Variants in TAMM41 observed in about 807,000 individuals in gnomAD.
TAMM41 encodes the protein phosphatidate cytidylyltransferase, mitochondrial.
TAMM41 carries 36 observed loss-of-function variants against 44.1 expected under a neutral mutation model. The ratio of observed to expected loss-of-function variants is 0.82; its 90% CI spans 0.63 to 1.08. The LOEUF (loss-of-function observed/expected upper bound fraction) is 1.08, where lower values mean the gene tolerates loss of function less well. TAMM41 is among the 50% of genes least tolerant of loss of function. The probability of loss-of-function intolerance (pLI) is 0.00; values close to 1 mark genes in which losing one functional copy is unlikely to be tolerated. For synonymous variants in TAMM41, 164 were observed against 153.1 expected (o/e 1.07, Z -0.53); for missense variants, 417 against 404.3 (o/e 1.03, Z -0.27).
the TAMM41 span, among the ~76,000 whole-genome samples, chr3:11,739,059 C>G: frequency 6.6e-6 from 1 of 152,190 alleles, no homozygotes; most frequent in African/African-American, 2.4e-5. Flanking sequence ...CATGACAAGC[C>G]CTTTTGTGCC....
downstream of TAMM41, among the ~76,000 whole-genome samples, chr3:11,786,278 TATTTA>T (rs2077416353): frequency 7.9e-6 from 1 of 126,462 alleles, no homozygotes; most frequent in African/African-American, 3.1e-5. Flanking sequence ...TTTATTTATT[TATTTA>T]ATTTTATTAT....
chr3:11,743,695 C>A, the TAMM41 span, among the ~76,000 whole-genome samples: 1 of 152,134 alleles, frequency 6.6e-6, no homozygotes, highest in African/African-American at 2.4e-5. Flanking sequence ...CTGTTGTTCA[C>A]AGCTGAGAGC....
At chr3:11,788,139 C>T (rs1394203172), downstream of TAMM41, among the ~76,000 whole-genome samples, 1 of 152,178 alleles carries the variant, frequency 6.6e-6, no homozygotes, top group Non-Finnish European at 1.5e-5. Context: ...GGCCTGATTC[C>T]ATAGCTGGAG....
chr3:11,737,224 T>G, the TAMM41 span, among the ~76,000 whole-genome samples: 1 of 151,570 alleles, frequency 6.6e-6, no homozygotes, highest in Non-Finnish European at 1.5e-5. Flanking sequence ...CTTAAGTAAT[T>G]TCCAGACACC....
the TAMM41 span, among the ~76,000 whole-genome samples, chr3:11,737,284 CATTATTATTATTATTATT>C: frequency 9.3e-4 from 122 of 131,680 alleles, 1 homozygote; most frequent in African/African-American, 1.5e-3. Flanking sequence ...TGTTGGCTTA[CATTATTATTATTATTATT>C]ATTATTATTA....
chr3:11,818,748 A>T (rs915213314), intron 4 of TAMM41, among the ~76,000 whole-genome samples: 1 of 151,976 alleles, frequency 6.6e-6, no homozygotes, highest in African/African-American at 2.4e-5. Flanking sequence ...ATACAAAAAA[A>T]TTAGCCAGAC....
the TAMM41 span, among the ~76,000 whole-genome samples, chr3:11,764,297 T>C: frequency 1.3e-5 from 2 of 151,294 alleles, no homozygotes; most frequent in South Asian, 4.2e-4. Context: ...CGCCCAGACC[T>C]GTTCTATTCA....
chr3:11,833,725 C>T (rs928278108), intron 3 of TAMM41, among the ~76,000 whole-genome samples: 8 of 152,304 alleles, frequency 5.3e-5, no homozygotes, highest in African/African-American at 1.9e-4. Flanking sequence ...GCGGCCCAAA[C>T]ATTTGCTTAT....
intron 4 of TAMM41, among the ~76,000 whole-genome samples, chr3:11,820,568 G>A (rs938116747): frequency 6.6e-6 from 1 of 152,156 alleles, no homozygotes; most frequent in African/African-American, 2.4e-5. Context: ...ATAAATGTGT[G>A]CAGAACTGAA....
chr3:11,744,378 C>T, the TAMM41 span, among the ~76,000 whole-genome samples: 5 of 151,774 alleles, frequency 3.3e-5, no homozygotes, highest in African/African-American at 1.2e-4. Context: ...AAGAATAACA[C>T]TTCTAAGAGA....
Position 11,790,484 on chromosome 3 carries a change from CAT to C in TAMM41, c.*19_*20del, listed in dbSNP as rs2077452257. 1.9e-5 allele frequency: 30 copies of C among 1,604,266 alleles called. No homozygotes were observed. The highest frequency in any genetic ancestry group is 2.2e-5 in the Non-Finnish European group (26 of 1,171,310). The stretch of plus-strand genomic sequence containing the variant: ...AAACACTTTATTCATCTACACATAA[CAT>C]ATATAAAAGCAAGCAAAATCAGGAT... On this transcript the variant is annotated 3_prime_UTR_variant, in exon 8 of 8. Transcript: ENST00000455809.
the TAMM41 span, among the ~76,000 whole-genome samples, chr3:11,724,279 T>G: frequency 6.6e-6 from 1 of 150,798 alleles, no homozygotes; most frequent in Admixed American, 6.6e-5. Flanking sequence ...AATTTTGTAT[T>G]TTTAGTAGAG....
At chr3:11,769,374 T>C in the TAMM41 span, among the ~76,000 whole-genome samples, 16 of 125,550 alleles carry the variant, frequency 1.3e-4, no homozygotes, top group Admixed American at 7.8e-5. Flanking sequence ...TTTTTTTTTT[T>C]TGTAAGCAGA....
the TAMM41 span, among the ~76,000 whole-genome samples, chr3:11,751,880 G>A: frequency 5.3e-5 from 8 of 152,158 alleles, no homozygotes; most frequent in African/African-American, 1.9e-4. Flanking sequence ...TGAGACTGGG[G>A]TAGGGGTCAG....
At chr3:11,749,561 G>A in the TAMM41 span, among the ~76,000 whole-genome samples, 839 of 152,252 alleles carry the variant, frequency 5.5e-3, 6 homozygotes, top group African/African-American at 0.019. Flanking sequence ...CTTTCTTTCT[G>A]TTCTCTTTCT....
At chr3:11,769,166 G>T in the TAMM41 span, among the ~76,000 whole-genome samples, 1 of 152,110 alleles carries the variant, frequency 6.6e-6, no homozygotes, top group Admixed American at 6.6e-5. Context: ...TTGGCTCACT[G>T]CAACCTCTAA....
At chr3:11,793,083 A>AAAAAAAAAAAAAAAGAGAG (rs1553566249) in intron 7 of TAMM41, among the ~76,000 whole-genome samples, 4 of 132,668 alleles carry the variant, frequency 3.0e-5, no homozygotes, top group African/African-American at 8.1e-5. Flanking sequence ...AAAAAAAAAA[A>AAAAAAAAAAAAAAAGAGAG]AGAGAGTGAA....
chr3:11,760,664 G>C, the TAMM41 span, among the ~76,000 whole-genome samples: 6 of 151,950 alleles, frequency 3.9e-5, no homozygotes, highest in Non-Finnish European at 5.9e-5. Flanking sequence ...GGGCTTAAGC[G>C]AGTCTCATGC....
intron 4 of TAMM41, among the ~76,000 whole-genome samples, chr3:11,818,796 GGGGCC>G (rs2078389150): frequency 6.6e-6 from 1 of 150,748 alleles, no homozygotes; most frequent in South Asian, 2.1e-4. Flanking sequence ...TACTTGGGGG[GGGGCC>G]GCAGGAGAAT....
Sources: allele counts gnomAD v4.1 joint callset (sites outside exome capture counted in the v4.1 genomes callset), GRCh38; gene constraint gnomAD v4.1.1; transcripts MANE v1.5; gene names NCBI Gene and HGNC (gene_info 2026-07-23, HGNC 2026-07-21).